EHMT1: variants seen among roughly 807,000 people sequenced by gnomAD.
EHMT1 encodes the protein euchromatic histone lysine methyltransferase 1.
A neutral mutation model predicts 147.2 loss-of-function variants in EHMT1; 15 were observed. The ratio of observed to expected loss-of-function variants is 0.10; its 90% CI spans 0.07 to 0.16. The LOEUF (loss-of-function observed/expected upper bound fraction) is 0.16, where lower values mean the gene tolerates loss of function less well. EHMT1 is among the 10% of genes least tolerant of loss of function. The pLI is 1.00. For synonymous variants in EHMT1, 795 were observed against 709.6 expected (o/e 1.12, Z -1.91); for missense variants, 1,587 against 1,772.4 (o/e 0.90, Z 1.88).
At position 137,717,039 on chromosome 9, in the gene EHMT1, G is replaced by A. The variant is rs141282876; in HGVS notation, c.499G>A (p.Ala167Thr). Residue 167 changes from alanine (A) to threonine (T), a missense_variant, in exon 3 of 27, where the codon GCT (alanine) becomes ACT (threonine). Ala to Thr is a moderately conservative substitution (Grantham distance 58, BLOSUM62 0). Coordinates refer to ENST00000460843, the MANE Select transcript of EHMT1 (RefSeq NM_024757.5). ...GGCTGGCAAAGGCAGGACTCCAAGC[G>A]CTTTTCCCCAGACGCCAGCCGCCCC... ...GGAGKGRTPSAFPQTPAAPPA... is the reference protein window; with the variant it reads ...GGAGKGRTPSTFPQTPAAPPA... The A allele has an allele frequency of 5.7e-5, 92 of 1,606,746 alleles. No individual in the cohort carries two copies. Among genetic ancestry groups the A allele is most frequent in the South Asian group, 2.2e-4 (20 of 90,920 alleles).
intron 2 of EHMT1, chr9:137,715,877 A>G (rs1201996053): frequency 3.1e-6 from 3 of 971,948 alleles, no homozygotes; most frequent in Non-Finnish European, 3.7e-6. Context: ...TGATTCCCCA[A>G]ACTTAACCAA....
chr9:137,707,982 G>A (rs1944403999), intron 1 of EHMT1, among the ~76,000 whole-genome samples: 1 of 152,168 alleles, frequency 6.6e-6, no homozygotes, highest in African/African-American at 2.4e-5. Flanking sequence ...GGACCCCAGA[G>A]GGCTCTTGTT....
chr9:137,770,936 A>AT (rs888141040), intron 10 of EHMT1, among the ~76,000 whole-genome samples: 7 of 151,452 alleles, frequency 4.6e-5, no homozygotes, highest in African/African-American at 1.7e-4. Context: ...CTCCCTATTC[A>AT]TTTTTTTGTT....
At chr9:137,698,201 G>A (rs972384627) in intron 1 of EHMT1, among the ~76,000 whole-genome samples, 2 of 152,248 alleles carry the variant, frequency 1.3e-5, no homozygotes, top group Non-Finnish European at 2.9e-5. Context: ...AAACGTGGAC[G>A]CATTTTGTCT....
Position 137,828,980 on chromosome 9 carries a change from T to A in EHMT1, c.3541-5369T>A, listed in dbSNP as rs1199181701. Among the ~76,000 whole-genome samples the A allele has an allele frequency of 3.3e-5, 5 of 152,106 alleles. No homozygotes were observed. The highest frequency in any genetic ancestry group is 1.2e-4 in the African/African-American group (5 of 41,406). The stretch of plus-strand genomic sequence containing the variant: ...CTCTTTTGCCTCTGGCGAAGTGAAG[T>A]GAGCACCTGTAGTGAGGTCCACTCC... On this transcript the variant is annotated intron_variant, in intron 25 of 26. Transcript: ENST00000460843. The surrounding 1 kb of genome is among the most constrained non-coding windows in gnomAD (Gnocchi z 5.3).
At chr9:137,825,233 C>T (rs1455290977) in intron 25 of EHMT1, among the ~76,000 whole-genome samples, 1 of 152,188 alleles carries the variant, frequency 6.6e-6, no homozygotes, top group Admixed American at 6.5e-5. Flanking sequence ...GCAAGTCACG[C>T]TCAAGGGGAT....
At chr9:137,741,839 G>A (rs1038226732) in intron 4 of EHMT1, among the ~76,000 whole-genome samples, 5 of 152,170 alleles carry the variant, frequency 3.3e-5, no homozygotes, top group African/African-American at 7.2e-5. Flanking sequence ...TAAAATCCAT[G>A]TTCAAAAGTT....
intron 1 of EHMT1, among the ~76,000 whole-genome samples, chr9:137,621,422 C>T (rs1315846965): frequency 6.6e-6 from 1 of 152,142 alleles, no homozygotes; most frequent in African/African-American, 2.4e-5. Flanking sequence ...ACTGGCCAGC[C>T]GTGGTGGCTC....
In EHMT1 at chr9:137,817,432, T is replaced by G; in HGVS notation, c.3375-7T>G. The stretch of plus-strand genomic sequence containing the variant: ...GCCTGGGTTCACCACTACTCTCTAT[T>G]TTTCAGGGCAAGGCTGCAGCTCTAC... On this transcript the variant is annotated splice_region_variant and splice_polypyrimidine_tract_variant and intron_variant, in intron 23 of 26. Coordinates refer to ENST00000460843, the MANE Select transcript of EHMT1 (RefSeq NM_024757.5). 6.2e-7 allele frequency: 1 copy of G among 1,614,158 alleles called. No individual in the cohort carries two copies. Among genetic ancestry groups the G allele is most frequent in the South Asian group, 1.1e-5 (1 of 91,086 alleles).
chr9:137,780,855 A>G (rs111315604), intron 14 of EHMT1, among the ~76,000 whole-genome samples: 19 of 50,848 alleles, frequency 3.7e-4, no homozygotes, highest in South Asian at 1.2e-3. Context: ...GATGACGCCG[A>G]GACGTGTGGT....
chr9:137,766,949 C>T (rs547111625), intron 10 of EHMT1, among the ~76,000 whole-genome samples: 2 of 152,208 alleles, frequency 1.3e-5, no homozygotes, highest in African/African-American at 4.8e-5. Context: ...TCCCGAGTGG[C>T]TGGGACTACA....
At chr9:137,824,208 G>A (rs1417152213) in intron 25 of EHMT1, among the ~76,000 whole-genome samples, 2 of 152,118 alleles carry the variant, frequency 1.3e-5, no homozygotes, top group Admixed American at 1.3e-4. Context: ...AGCCGTGATC[G>A]AGCCACTGCA....
chr9:137,750,582 G>A (rs903957863), intron 6 of EHMT1, among the ~76,000 whole-genome samples: 7 of 152,192 alleles, frequency 4.6e-5, no homozygotes, highest in Non-Finnish European at 8.8e-5. Flanking sequence ...TGAGTGACAA[G>A]ATCCATTGTT....
At position 137,667,801 on chromosome 9, in the gene EHMT1, T is replaced by C. The variant is rs184995578; in HGVS notation, c.22-43166T>C. Among the ~76,000 whole-genome samples, 582 of 152,322 alleles carry C rather than the reference T, an allele frequency of 3.8e-3. 5 individuals are homozygous for C. The highest frequency in any genetic ancestry group is 0.013 in the African/African-American group (547 of 41,558). ...CTCGGGGAGGAAAACGCTGTTGTGC[T>C]GCTTATCACACGGGTCTGGCCTTTT... is the stretch of plus-strand genomic sequence containing the variant. On this transcript the variant is annotated intron_variant, in intron 1 of 26. Transcript: ENST00000460843.
intron 1 of EHMT1, among the ~76,000 whole-genome samples, chr9:137,629,187 G>A (rs1019757893): frequency 1.3e-5 from 2 of 151,464 alleles, no homozygotes; most frequent in Non-Finnish European, 2.9e-5. Flanking sequence ...CCGCCTCCCA[G>A]GTTCAAGCGA....
chr9:137,675,942 C>G (rs1195547438), intron 1 of EHMT1, among the ~76,000 whole-genome samples: 1 of 151,080 alleles, frequency 6.6e-6, no homozygotes, highest in Non-Finnish European at 1.5e-5. Context: ...CGCCACTACG[C>G]CCGGCTAATT....
rs756531687 is a variant in EHMT1 at position 137,801,934 on chromosome 9, C to T, written c.2712+950C>T. 3.3e-4 allele frequency among the ~76,000 whole-genome samples: 50 copies of T among 151,046 alleles called. 1 individual carries two copies. The highest frequency in any genetic ancestry group is 7.3e-5 in the Non-Finnish European group (5 of 68,048). On this transcript the variant is annotated intron_variant, in intron 18 of 26. Coordinates refer to ENST00000460843, the MANE Select transcript of EHMT1 (RefSeq NM_024757.5). ...GAGCCACCACGCCTGGCCCCTGGCT[C>T]TCTCTTTGAAACAAAGGAAAGAAAA... is the stretch of plus-strand genomic sequence containing the variant.
At chr9:137,690,395 G>A (rs1942832834) in intron 1 of EHMT1, among the ~76,000 whole-genome samples, 1 of 151,668 alleles carries the variant, frequency 6.6e-6, no homozygotes. Flanking sequence ...TGTCATCCCA[G>A]CGCTTTGAGA....
chr9:137,801,099 CT>C, intron 18 of EHMT1, 115 bp downstream of exon 18: 1 of 880,074 alleles, frequency 1.1e-6, no homozygotes. Context: ...GCTTTGACCT[CT>C]TCCTGTGGCA....
Sources: allele counts gnomAD v4.1 joint callset (sites outside exome capture counted in the v4.1 genomes callset), GRCh38; gene constraint gnomAD v4.1.1; non-coding constraint Gnocchi (gnomAD v3.1); transcripts MANE v1.5; gene names NCBI Gene and HGNC (gene_info 2026-07-23, HGNC 2026-07-21).